The following PCTP variants were observed in gnomAD, a reference collection of about 807,000 sequenced individuals.
PCTP encodes the protein phosphatidylcholine transfer protein, also known as START domain-containing protein 2.
In PCTP, 27 loss-of-function variants were observed where a neutral mutation model predicts 31.0. That is an observed-to-expected ratio of 0.87 (90% confidence interval 0.64 to 1.20). The LOEUF is 1.20. Among genes scored for constraint, PCTP ranks in the 50% most tolerant of loss-of-function variants. The pLI, the probability that PCTP is intolerant of heterozygous loss-of-function variation, is 0.00. For synonymous variants in PCTP, 108 were observed against 101.2 expected (o/e 1.07, Z -0.40); for missense variants, 287 against 268.2 (o/e 1.07, Z -0.49).
chr17:55,763,777 A>G (rs956854115), intron 1 of PCTP, among the ~76,000 whole-genome samples: 26 of 152,146 alleles, frequency 1.7e-4, no homozygotes, highest in African/African-American at 6.0e-4. Flanking sequence ...ATAAAAAACT[A>G]TTTTTTAAAA....
chr17:55,789,588 T>C (rs1190237804), intron 3 of PCTP, among the ~76,000 whole-genome samples: 2 of 152,214 alleles, frequency 1.3e-5, no homozygotes, highest in Admixed American at 1.3e-4. Flanking sequence ...ACAAGTTCAA[T>C]GCTCTATCCT....
intron 5 of PCTP, among the ~76,000 whole-genome samples, chr17:55,832,081 AC>A (rs910856867): frequency 6.6e-6 from 1 of 152,126 alleles, no homozygotes; most frequent in Non-Finnish European, 1.5e-5. Context: ...TCTCAAACAA[AC>A]AAACAAACAA....
intron 5 of PCTP, among the ~76,000 whole-genome samples, chr17:55,837,161 C>T (rs1175313727): frequency 6.6e-6 from 1 of 152,136 alleles, no homozygotes; most frequent in Non-Finnish European, 1.5e-5. Flanking sequence ...TGAGCTCACT[C>T]AAGGATGGAG....
At chr17:55,833,427 A>G (rs1905671570) in intron 5 of PCTP, among the ~76,000 whole-genome samples, 1 of 152,212 alleles carries the variant, frequency 6.6e-6, no homozygotes, top group South Asian at 2.1e-4. Flanking sequence ...AAAAATGAAC[A>G]ATTTATCCAC....
At chr17:55,767,691 C>T (rs901837962) in intron 2 of PCTP, among the ~76,000 whole-genome samples, 3 of 150,460 alleles carry the variant, frequency 2.0e-5, no homozygotes, top group Non-Finnish European at 4.4e-5. Context: ...TCTTGAACTT[C>T]TGACCTCAGG....
At chr17:55,816,558 C>G (rs1376435655) in intron 3 of PCTP, among the ~76,000 whole-genome samples, 1 of 152,188 alleles carries the variant, frequency 6.6e-6, no homozygotes, top group Non-Finnish European at 1.5e-5. Flanking sequence ...TGCCATTACC[C>G]ATGGCGTGTT....
chr17:55,767,346 T>C lies in PCTP; in HGVS notation c.153T>C (p.Leu51=). The C allele has an allele frequency of 1.2e-6, 2 of 1,607,522 alleles. No individual in the cohort carries two copies. Among genetic ancestry groups the C allele is most frequent in the Non-Finnish European group, 1.7e-6 (2 of 1,174,380 alleles). The change falls in exon 2 of 6, where the codon CTT becomes CTC. Residue 51 remains leucine, a synonymous_variant. Transcript: ENST00000268896. ...IYRLLDKKTG[L]YEYKVFGVLE... ...TTCTGTTTTTATAGAAGACTGGACT[T>C]TATGAGTATAAAGTCTTTGGTGTTC... is the stretch of plus-strand genomic sequence containing the variant.
chr17:55,840,274 T>C (rs1905930992), intron 5 of PCTP, among the ~76,000 whole-genome samples: 1 of 152,196 alleles, frequency 6.6e-6, no homozygotes, highest in Non-Finnish European at 1.5e-5. Flanking sequence ...ATTATTTCCA[T>C]AGCAACACAC....
chr17:55,770,207 G>A (rs536567614), intron 2 of PCTP: 46 of 152,318 alleles, frequency 3.0e-4, no homozygotes, highest in African/African-American at 1.1e-3. Flanking sequence ...AGGATTATTA[G>A]GGAAATTTGG....
intron 1 of PCTP, among the ~76,000 whole-genome samples, chr17:55,755,519 CTTT>C (rs909552121): frequency 6.6e-6 from 1 of 151,762 alleles, no homozygotes; most frequent in Non-Finnish European, 1.5e-5. Flanking sequence ...GAATTGTGTC[CTTT>C]TTTTTAGTAG....
intron 2 of PCTP, among the ~76,000 whole-genome samples, chr17:55,786,426 C>T (rs1047451785): frequency 4.6e-5 from 7 of 152,136 alleles, no homozygotes; most frequent in South Asian, 2.1e-4. Context: ...GTGCAGCACA[C>T]CAACATGGCA....
chr17:55,847,121 G>A (rs1906168315), downstream of PCTP, among the ~76,000 whole-genome samples: 1 of 152,184 alleles, frequency 6.6e-6, no homozygotes, highest in South Asian at 2.1e-4. Context: ...ACTGGCCTTA[G>A]TTCTGCCCTC....
At chr17:55,793,854 A>G (rs1277831497) in intron 3 of PCTP, among the ~76,000 whole-genome samples, 1 of 152,164 alleles carries the variant, frequency 6.6e-6, no homozygotes, top group East Asian at 1.9e-4. Flanking sequence ...AGAAAGAAAA[A>G]TGTAGCCTTA....
intron 1 of PCTP, among the ~76,000 whole-genome samples, chr17:55,756,620 T>A (rs1910031476): frequency 6.6e-6 from 1 of 152,136 alleles, no homozygotes. Flanking sequence ...CCCCTTCACA[T>A]AGGGGTTAAT....
intron 5 of PCTP, among the ~76,000 whole-genome samples, chr17:55,839,919 C>CAAAAAAAAAAAAAAA (rs57402824): frequency 1.5e-3 from 19 of 12,504 alleles, no homozygotes; most frequent in Non-Finnish European, 2.9e-3. Context: ...GACTCAGTCT[C>CAAAAAAAAAAAAAAA]AAAAAAAAAA....
intron 1 of PCTP, among the ~76,000 whole-genome samples, chr17:55,751,668 A>C (rs949108062): frequency 2.0e-5 from 3 of 147,430 alleles, no homozygotes; most frequent in Non-Finnish European, 3.1e-5. Context: ...AAAGAAACAG[A>C]ACTTTTCAAG....
At chr17:55,793,256 A>G (rs1912067278) in intron 3 of PCTP, among the ~76,000 whole-genome samples, 1 of 152,034 alleles carries the variant, frequency 6.6e-6, no homozygotes, top group Admixed American at 6.6e-5. Flanking sequence ...TGTGAGCCTC[A>G]TCTGATTATT....
intron 3 of PCTP, among the ~76,000 whole-genome samples, chr17:55,789,932 G>A (rs890318564): frequency 6.6e-6 from 1 of 152,122 alleles, no homozygotes; most frequent in Non-Finnish European, 1.5e-5. Flanking sequence ...GAATCCAGCA[G>A]CACATCAAAA....
chr17:55,779,700 A>G (rs1030932628), downstream of PCTP, among the ~76,000 whole-genome samples: 4 of 152,210 alleles, frequency 2.6e-5, no homozygotes, highest in African/African-American at 9.6e-5. Context: ...ATGATTCCCC[A>G]GCATCTCTGA....
Sources: gnomAD v4.1 joint callset for allele counts (sites outside exome capture counted in the v4.1 genomes callset) on GRCh38, gnomAD v4.1.1 for gene constraint, MANE v1.5 for transcripts, NCBI Gene and HGNC (gene_info 2026-07-23, HGNC 2026-07-21) for gene names.